The following ADAMTSL1 variants were observed in gnomAD, a reference collection of about 807,000 sequenced individuals.
ADAMTSL1 encodes the protein ADAMTS-like protein 1.
A neutral mutation model predicts 201.8 loss-of-function variants in ADAMTSL1; 126 were observed. The ratio of observed to expected loss-of-function variants is 0.62; its 90% CI spans 0.54 to 0.72. The LOEUF is 0.72. Among genes scored for constraint, ADAMTSL1 ranks in the 30% least tolerant of loss-of-function variants. ADAMTSL1 has a pLI of 0.00. For synonymous variants in ADAMTSL1, 1,121 were observed against 903.4 expected, an observed-to-expected ratio of 1.24 and a Z score of -4.32; for missense variants, 2,679 against 2,277.8, an observed-to-expected ratio of 1.18 and a Z score of -3.59.
intron 16 of ADAMTSL1, among the ~76,000 whole-genome samples, chr9:18,765,321 T>A (rs1270707286): frequency 2.0e-5 from 3 of 152,198 alleles, no homozygotes; most frequent in African/African-American, 7.2e-5. Flanking sequence ...GCATGTTCTT[T>A]ATGTCTGAAG....
At chr9:18,368,066 ATT>A (rs71492939) in intron 2 of ADAMTSL1, among the ~76,000 whole-genome samples, 7 of 145,408 alleles carry the variant, frequency 4.8e-5, no homozygotes, top group African/African-American at 1.8e-4. Context: ...CGCCAGGCTA[ATT>A]TTTTTTTTTT....
intron 10 of ADAMTSL1, among the ~76,000 whole-genome samples, chr9:18,679,657 C>T (rs999728072): frequency 6.6e-6 from 1 of 152,156 alleles, no homozygotes; most frequent in Non-Finnish European, 1.5e-5. Context: ...CTACCAGTAT[C>T]CCTCAACAGT....
chr9:18,718,367 T>C (rs993732423), intron 14 of ADAMTSL1: 4 of 725,514 alleles, frequency 5.5e-6, no homozygotes. Flanking sequence ...TATCCAAGAT[T>C]GCAAGCATAC....
chr9:18,161,373 T>C lies in ADAMTSL1; in HGVS notation c.88-2489T>C, dbSNP rs1827381119. ...TGCAACTAAGTTCATTAGGCTTCTTTTCAAATTTTAGCTTTTAAGAATTGG... is the reference window on the plus strand; with the variant it reads ...TGCAACTAAGTTCATTAGGCTTCTTCTCAAATTTTAGCTTTTAAGAATTGG... On this transcript the variant is annotated intron_variant, in intron 1 of 29. Coordinates refer to the ADAMTSL1 transcript ENST00000680146. 2.0e-5 allele frequency among the ~76,000 whole-genome samples: 3 copies of C among 152,200 alleles called. No homozygotes were observed. In the South Asian group the frequency reaches 6.2e-4, roughly 32 times the overall value.
intron 2 of ADAMTSL1, among the ~76,000 whole-genome samples, chr9:18,179,544 C>T (rs1280465188): frequency 2.6e-5 from 4 of 151,970 alleles, no homozygotes; most frequent in African/African-American, 4.8e-5. Flanking sequence ...AGATACTCCT[C>T]GAGAAGAGCA....
intron 1 of ADAMTSL1, among the ~76,000 whole-genome samples, chr9:18,118,480 C>G (rs1049631846): frequency 6.6e-6 from 1 of 152,160 alleles, no homozygotes; most frequent in African/African-American, 2.4e-5. Context: ...AGGATCATCC[C>G]TAAATGAAAG....
At position 17,925,149 on chromosome 9, in the gene ADAMTSL1, T is replaced by A. The variant is rs1248255447; in HGVS notation, c.87+18227T>A. Reference sequence around the variant, plus strand: ...TCAGAGAAATGCAAATCAAAACCACTATGAGATACCATCTCACACCAGTTA... The same window carrying A: ...TCAGAGAAATGCAAATCAAAACCACAATGAGATACCATCTCACACCAGTTA... On this transcript the variant is annotated intron_variant, in intron 1 of 29. Coordinates refer to the ADAMTSL1 transcript ENST00000680146. 4.7e-4 allele frequency among the ~76,000 whole-genome samples: 48 copies of A among 102,530 alleles called. 6 individuals carry two copies. Among genetic ancestry groups the A allele is most frequent in the South Asian group, 8.1e-4 (2 of 2,478 alleles). 67.3% of individuals were successfully genotyped at this position (102,530 alleles called of 152,430 possible).
chr9:18,453,454 G>A (rs1820489772), intron 2 of ADAMTSL1, among the ~76,000 whole-genome samples: 1 of 152,028 alleles, frequency 6.6e-6, no homozygotes, highest in Admixed American at 6.6e-5. Context: ...TGGTCACTTG[G>A]CCACACCCTT....
chr9:18,686,163 C>T (rs569211078), intron 13 of ADAMTSL1, among the ~76,000 whole-genome samples: 5 of 152,270 alleles, frequency 3.3e-5, no homozygotes, highest in South Asian at 2.1e-4. Flanking sequence ...TCAAGCAATC[C>T]GCCTGCCTCA....
intron 2 of ADAMTSL1, among the ~76,000 whole-genome samples, chr9:18,523,909 T>G (rs10810979): frequency 8.1e-6 from 1 of 123,514 alleles, no homozygotes; most frequent in Admixed American, 9.5e-5. Context: ...GGCTTAGGAT[T>G]GACTTGGTGA....
At chr9:18,559,991 A>G (rs546769286) in intron 3 of ADAMTSL1, among the ~76,000 whole-genome samples, 77 of 152,094 alleles carry the variant, frequency 5.1e-4, no homozygotes, top group African/African-American at 1.8e-3. Flanking sequence ...CTATTTGTAT[A>G]CCCTTTATTT....
At chr9:18,212,817 C>G (rs1322520059) in intron 2 of ADAMTSL1, among the ~76,000 whole-genome samples, 1 of 152,100 alleles carries the variant, frequency 6.6e-6, no homozygotes, top group Non-Finnish European at 1.5e-5. Context: ...CACACTGAGA[C>G]TAGGTAAGAT....
At chr9:18,642,063 G>T (rs1401995980) in intron 7 of ADAMTSL1, among the ~76,000 whole-genome samples, 1 of 151,954 alleles carries the variant, frequency 6.6e-6, no homozygotes, top group African/African-American at 2.4e-5. Flanking sequence ...CATTACCCTG[G>T]TGATCTGGTG....
intron 2 of ADAMTSL1, among the ~76,000 whole-genome samples, chr9:18,459,472 T>G (rs1820728932): frequency 6.6e-6 from 1 of 152,136 alleles, no homozygotes; most frequent in Non-Finnish European, 1.5e-5. Context: ...AATAAATATT[T>G]ATTGACTATC....
intron 1 of ADAMTSL1, among the ~76,000 whole-genome samples, chr9:18,112,836 C>G (rs1011536018): frequency 6.6e-6 from 1 of 152,158 alleles, no homozygotes; most frequent in Non-Finnish European, 1.5e-5. Flanking sequence ...AGCACAGGCT[C>G]TGGCATATAA....
intron 23 of ADAMTSL1, among the ~76,000 whole-genome samples, chr9:18,853,918 T>TGTGTGTGTGTGCGC (rs139332733): frequency 2.1e-4 from 31 of 145,486 alleles, no homozygotes; most frequent in African/African-American, 7.0e-4. Flanking sequence ...TGTGTGTGTG[T>TGTGTGTGTGTGCGC]GCGCGTGCAT....
At chr9:18,274,959 A>T (rs891264700) in intron 2 of ADAMTSL1, among the ~76,000 whole-genome samples, 1 of 152,170 alleles carries the variant, frequency 6.6e-6, no homozygotes, top group Non-Finnish European at 1.5e-5. Context: ...TTTCTTCTTC[A>T]TCATTGTCTT....
Position 18,391,824 on chromosome 9 carries a change from C to CTTTTTTTTTTTTTTTTTTTTT in ADAMTSL1, c.208-112987_208-112986insTTTTTTTTTTTTTTTTTTTTT, listed in dbSNP as rs11407945. Among the ~76,000 whole-genome samples the CTTTTTTTTTTTTTTTTTTTTT allele has an allele frequency of 1.7e-5, 2 of 116,738 alleles. 1 individual carries two copies. The highest frequency in any genetic ancestry group is 6.5e-5 in the African/African-American group (2 of 30,982). The allele number at this position is 116,738 out of a possible 152,430, so 76.6% of individuals were successfully genotyped here. On this transcript the variant is annotated intron_variant, in intron 2 of 29. Coordinates refer to the ADAMTSL1 transcript ENST00000680146. ...ACTACTTTTTTTCTTTCTTTTCTTT[C>CTTTTTTTTTTTTTTTTTTTTT]TTTTTTTTTTTTTTTTTTGAGATGG... is the stretch of plus-strand genomic sequence containing the variant.
intron 2 of ADAMTSL1, among the ~76,000 whole-genome samples, chr9:18,353,200 T>C (rs996790357): frequency 2.0e-5 from 3 of 152,214 alleles, no homozygotes; most frequent in Non-Finnish European, 2.9e-5. Flanking sequence ...TGGATATTAT[T>C]TGTAGTGCTT....
Sources: gnomAD v4.1 joint callset for allele counts (sites outside exome capture counted in the v4.1 genomes callset) on GRCh38, gnomAD v4.1.1 for gene constraint, MANE v1.5 for transcripts, NCBI Gene and HGNC (gene_info 2026-07-23, HGNC 2026-07-21) for gene names.